Variants in GPC5 observed in about 807,000 individuals in gnomAD.
GPC5 encodes the protein glypican 5.
A neutral mutation model predicts 53.9 loss-of-function variants in GPC5; 47 were observed. The observed-to-expected ratio is 0.87, with a 90% CI of 0.69 to 1.11. The LOEUF (loss-of-function observed/expected upper bound fraction) is 1.11, where lower values mean the gene tolerates loss of function less well. Ranked by LOEUF, GPC5 falls within the 50% of genes most tolerant of loss-of-function variation. The pLI is 0.00. For synonymous variants in GPC5, 286 were observed against 263.3 expected, an observed-to-expected ratio of 1.09 and a Z score of -0.84; for missense variants, 748 against 713.1, an observed-to-expected ratio of 1.05 and a Z score of -0.56.
intron 4 of GPC5, among the ~76,000 whole-genome samples, chr13:91,737,625 T>C (rs575357077): frequency 6.6e-6 from 1 of 151,672 alleles, no homozygotes; most frequent in Admixed American, 6.5e-5. Flanking sequence ...GGCATAACCT[T>C]TTCAAATTAT....
intron 6 of GPC5, among the ~76,000 whole-genome samples, chr13:92,009,069 T>C (rs1473879186): frequency 1.3e-5 from 2 of 152,202 alleles, no homozygotes; most frequent in Non-Finnish European, 2.9e-5. Context: ...TGTTTTCCTT[T>C]AAATACTTGA....
intron 7 of GPC5, among the ~76,000 whole-genome samples, chr13:92,706,663 T>C (rs1887961791): frequency 6.6e-6 from 1 of 152,150 alleles, no homozygotes; most frequent in Non-Finnish European, 1.5e-5. Flanking sequence ...TCCAGGATGA[T>C]ATTAGCCTCC....
intron 2 of GPC5, among the ~76,000 whole-genome samples, chr13:91,501,927 T>C (rs1884660217): frequency 6.6e-6 from 1 of 152,246 alleles, no homozygotes; most frequent in African/African-American, 2.4e-5. Flanking sequence ...GACTTTGTAA[T>C]GATCGCCATT....
chr13:92,615,998 G>A (rs1377951690), intron 7 of GPC5, among the ~76,000 whole-genome samples: 1 of 152,154 alleles, frequency 6.6e-6, no homozygotes, highest in Non-Finnish European at 1.5e-5. Context: ...AGCTGGCAGT[G>A]AGCCGAGATC....
intron 7 of GPC5, among the ~76,000 whole-genome samples, chr13:92,437,476 C>T (rs955883700): frequency 6.6e-6 from 1 of 151,976 alleles, no homozygotes; most frequent in African/African-American, 2.4e-5. Context: ...ATAATATACA[C>T]ATTATACCTT....
chr13:92,385,524 G>GCATATATACATACATATA, intron 7 of GPC5, among the ~76,000 whole-genome samples: 1 of 34,270 alleles, frequency 2.9e-5, no homozygotes, highest in South Asian at 5.8e-4. Context: ...ACATACATAT[G>GCATATATACATACATATA]CATATATACA....
chr13:92,284,633 A>C (rs1394119386), intron 7 of GPC5, among the ~76,000 whole-genome samples: 1 of 152,348 alleles, frequency 6.6e-6, no homozygotes, highest in Non-Finnish European at 1.5e-5. Flanking sequence ...AGAACCAAAG[A>C]CAAAAAACAC....
chr13:92,401,399 C>T (rs1371980125), intron 7 of GPC5, among the ~76,000 whole-genome samples: 5 of 151,916 alleles, frequency 3.3e-5, no homozygotes, highest in South Asian at 4.2e-4. Flanking sequence ...TACTTCCTTT[C>T]GCTAATGTAT....
intron 2 of GPC5, among the ~76,000 whole-genome samples, chr13:91,525,545 A>G (rs1055165867): frequency 3.3e-5 from 5 of 152,310 alleles, no homozygotes; most frequent in Admixed American, 2.0e-4. Flanking sequence ...ATTAATTTTT[A>G]CTTTTAATAT....
chr13:92,493,043 T>A (rs1879824804), intron 7 of GPC5, among the ~76,000 whole-genome samples: 1 of 152,222 alleles, frequency 6.6e-6, no homozygotes, highest in Non-Finnish European at 1.5e-5. Context: ...TTCACACTGA[T>A]AGGGCTCCCT....
At chr13:91,846,198 A>G (rs953238343) in intron 5 of GPC5, among the ~76,000 whole-genome samples, 19 of 152,112 alleles carry the variant, frequency 1.2e-4, no homozygotes, top group Non-Finnish European at 1.5e-5. Context: ...GCATGCCCAT[A>G]TGACCTGCTA....
chr13:91,790,540 A>G (rs952359078), intron 5 of GPC5, among the ~76,000 whole-genome samples: 2 of 152,214 alleles, frequency 1.3e-5, no homozygotes, highest in Admixed American at 1.3e-4. Flanking sequence ...CTCATGAGCT[A>G]TATTTTAGCT....
At chr13:92,563,472 T>A (rs1277264177) in intron 7 of GPC5, among the ~76,000 whole-genome samples, 1 of 151,970 alleles carries the variant, frequency 6.6e-6, no homozygotes, top group African/African-American at 2.4e-5. Flanking sequence ...ATAATTTTTG[T>A]TGAAAAGGAC....
At chr13:91,775,563 C>T (rs2037697802) in intron 5 of GPC5, among the ~76,000 whole-genome samples, 1 of 152,184 alleles carries the variant, frequency 6.6e-6, no homozygotes, top group Non-Finnish European at 1.5e-5. Flanking sequence ...GGAAACACAT[C>T]CAGGCATACA....
chr13:92,663,366 G>A (rs1031182076), intron 7 of GPC5, among the ~76,000 whole-genome samples: 2 of 151,856 alleles, frequency 1.3e-5, no homozygotes, highest in African/African-American at 4.8e-5. Context: ...GGTTCTGATA[G>A]GTGAGTAACA....
intron 4 of GPC5, among the ~76,000 whole-genome samples, chr13:91,735,207 T>C (rs1034620578): frequency 6.6e-6 from 1 of 151,290 alleles, no homozygotes; most frequent in Non-Finnish European, 1.5e-5. Context: ...TTTTTTCTAC[T>C]AGCTCTATGG....
At chr13:91,409,765 A>G (rs181703135) in intron 1 of GPC5, among the ~76,000 whole-genome samples, 1 of 151,642 alleles carries the variant, frequency 6.6e-6, no homozygotes, top group East Asian at 1.9e-4. Context: ...ACTTGGGTTT[A>G]TTGTGTTATC....
At chr13:92,163,713 T>C (rs141037230) in intron 7 of GPC5, among the ~76,000 whole-genome samples, 39 of 152,334 alleles carry the variant, frequency 2.6e-4, no homozygotes, top group African/African-American at 8.9e-4. Flanking sequence ...ACAATGAGAA[T>C]AGTAAAGACA....
intron 7 of GPC5, among the ~76,000 whole-genome samples, chr13:92,676,541 A>G (rs1886944880): frequency 6.6e-6 from 1 of 152,176 alleles, no homozygotes; most frequent in South Asian, 2.1e-4. Flanking sequence ...TGTGAATAAC[A>G]ATAAGAAGTA....
Sources: allele counts gnomAD v4.1 joint callset (sites outside exome capture counted in the v4.1 genomes callset), GRCh38; gene constraint gnomAD v4.1.1; transcripts MANE v1.5; gene names NCBI Gene and HGNC (gene_info 2026-07-23, HGNC 2026-07-21).